Variants in COPG2 observed in about 807,000 individuals in gnomAD.
The protein encoded by COPG2 is coat protein complex I subunit gamma 2.
COPG2 carries 37 observed loss-of-function variants against 46.3 expected under a neutral mutation model. That is an observed-to-expected ratio of 0.80 (90% confidence interval 0.61 to 1.05). The LOEUF (loss-of-function observed/expected upper bound fraction) is 1.05. Among genes scored for constraint, COPG2 ranks in the 50% least tolerant of loss-of-function variants. The pLI, the probability that COPG2 is intolerant of heterozygous loss-of-function variation, is 0.00. For synonymous variants in COPG2, 159 were observed against 129.7 expected, an observed-to-expected ratio of 1.23 and a Z score of -1.53; for missense variants, 427 against 387.8, an observed-to-expected ratio of 1.10 and a Z score of -0.85.
At chr7:130,539,772 G>A (rs1799918238) in intron 20 of COPG2, among the ~76,000 whole-genome samples, 1 of 152,172 alleles carries the variant, frequency 6.6e-6, no homozygotes, top group South Asian at 2.1e-4. Flanking sequence ...AGGGCAGAAA[G>A]CATGGTGGAA....
chr7:130,609,083 G>A (rs1212837850), intron 9 of COPG2, among the ~76,000 whole-genome samples: 1 of 152,012 alleles, frequency 6.6e-6, no homozygotes, highest in Admixed American at 6.6e-5. Context: ...GTTTTGTCAT[G>A]TTGCCCAGGC....
Position 130,662,100 on chromosome 7 carries a change from ATCT to A in COPG2, c.243+864_243+866del, listed in dbSNP as rs1176084268. Among the ~76,000 whole-genome samples, 3 of 152,310 alleles carry A rather than the reference ATCT, an allele frequency of 2.0e-5. No individual in the cohort carries two copies. In the East Asian group the frequency reaches 5.8e-4, roughly 29 times the overall value. On this transcript the variant is annotated intron_variant, in intron 4 of 23. Coordinates refer to ENST00000425248, the MANE Select transcript of COPG2 (RefSeq NM_012133.6). ...ACCCCGAACTCCTAAATTCTGTGAC[ATCT>A]TCTGCTAGTAGAAGCATCAGTCCTT...
chr7:130,509,314 G>A (rs781786984), intron 20 of COPG2: 5 of 510,136 alleles, frequency 9.8e-6, no homozygotes, highest in Admixed American at 6.0e-5. Flanking sequence ...GGAGGTGGGG[G>A]TACATTTTTG....
At chr7:130,565,646 A>T (rs987847790) in intron 9 of COPG2, among the ~76,000 whole-genome samples, 94 of 152,368 alleles carry the variant, frequency 6.2e-4, no homozygotes, top group African/African-American at 2.2e-3. Context: ...CAGCTAATAT[A>T]AATATGTTCA....
At chr7:130,559,889 A>G (rs1004550834) in intron 12 of COPG2, among the ~76,000 whole-genome samples, 1 of 152,246 alleles carries the variant, frequency 6.6e-6, no homozygotes, top group Non-Finnish European at 1.5e-5. Flanking sequence ...GTATAAAAAA[A>G]GAATGAAGCA....
At chr7:130,510,011 C>T (rs782725809) in intron 20 of COPG2, 2 of 495,098 alleles carry the variant, frequency 4.0e-6, no homozygotes, top group South Asian at 2.9e-5. Context: ...ATGCTAATGC[C>T]TAGGTGCTGA....
At chr7:130,666,157 A>C (rs1195435801) in intron 3 of COPG2, among the ~76,000 whole-genome samples, 1 of 152,260 alleles carries the variant, frequency 6.6e-6, no homozygotes, top group African/African-American at 2.4e-5. Flanking sequence ...TGGTTAAGCT[A>C]CTGCCCAGAA....
intron 9 of COPG2, among the ~76,000 whole-genome samples, chr7:130,577,016 A>G (rs1794010454): frequency 6.6e-6 from 1 of 152,238 alleles, no homozygotes; most frequent in East Asian, 1.9e-4. Flanking sequence ...AACCTGGAAG[A>G]AATGAATAAA....
At chr7:130,618,092 C>A (rs1195424369) in intron 5 of COPG2, among the ~76,000 whole-genome samples, 4 of 63,790 alleles carry the variant, frequency 6.3e-5, no homozygotes, top group Non-Finnish European at 1.3e-4. Flanking sequence ...CAGAGTGAGA[C>A]CCTGTCTCAA....
chr7:130,591,109 G>C (rs1554448764), intron 9 of COPG2, among the ~76,000 whole-genome samples: 1 of 115,446 alleles, frequency 8.7e-6, no homozygotes, highest in Non-Finnish European at 1.9e-5. Context: ...TCAGCCCCCC[G>C]CCCGGCCAGC....
At chr7:130,631,755 A>C (rs1322791419) in intron 5 of COPG2, among the ~76,000 whole-genome samples, 16 of 151,800 alleles carry the variant, frequency 1.1e-4, no homozygotes, top group African/African-American at 3.6e-4. Flanking sequence ...CTTTTCTTTA[A>C]GCAGTCAATT....
chr7:130,529,952 G>C (rs1171200820), intron 20 of COPG2, among the ~76,000 whole-genome samples: 1 of 152,178 alleles, frequency 6.6e-6, no homozygotes, highest in Non-Finnish European at 1.5e-5. Context: ...TGAAGCTGAG[G>C]AGGAGGGCCT....
chr7:130,630,206 C>A (rs1047794816), intron 5 of COPG2, among the ~76,000 whole-genome samples: 2 of 152,108 alleles, frequency 1.3e-5, no homozygotes, highest in African/African-American at 4.8e-5. Flanking sequence ...CCACCGCACC[C>A]GGCCCCTATT....
At chr7:130,621,837 G>A (rs201697447) in intron 5 of COPG2, among the ~76,000 whole-genome samples, 2 of 151,282 alleles carry the variant, frequency 1.3e-5, no homozygotes, top group Non-Finnish European at 2.9e-5. Flanking sequence ...CCAGCTACTC[G>A]GGAGGCTGAG....
At chr7:130,558,431 T>C (rs1793665556) in intron 12 of COPG2, among the ~76,000 whole-genome samples, 1 of 152,238 alleles carries the variant, frequency 6.6e-6, no homozygotes. Context: ...CAGAAGCAGA[T>C]GCTGCCATGC....
At chr7:130,610,783 G>C (rs1392480186) in intron 9 of COPG2, 170 bp downstream of exon 9, 1 of 720,240 alleles carries the variant, frequency 1.4e-6, no homozygotes, top group Non-Finnish European at 2.4e-6. Flanking sequence ...ATACAGTAAG[G>C]TTAAAAAAAG....
chr7:130,510,960 G>A (rs1449851380), intron 20 of COPG2: 2 of 520,086 alleles, frequency 3.8e-6, no homozygotes, highest in Non-Finnish European at 7.7e-6. Context: ...AGAATGCCCT[G>A]AAGATCTGCA....
At chr7:130,628,861 G>A (rs1456553107) in intron 5 of COPG2, among the ~76,000 whole-genome samples, 14 of 152,072 alleles carry the variant, frequency 9.2e-5, no homozygotes, top group African/African-American at 2.7e-4. Context: ...TCTGAGCATC[G>A]TAATGAGACC....
intron 4 of COPG2, among the ~76,000 whole-genome samples, chr7:130,653,946 G>T (rs1287323107): frequency 3.3e-5 from 5 of 151,308 alleles, no homozygotes; most frequent in Admixed American, 3.3e-4. Flanking sequence ...AAAATTTCAG[G>T]AACACCCCAC....
Sources: allele counts gnomAD v4.1 joint callset (sites outside exome capture counted in the v4.1 genomes callset), GRCh38; gene constraint gnomAD v4.1.1; transcripts MANE v1.5; gene names NCBI Gene and HGNC (gene_info 2026-07-23, HGNC 2026-07-21).